ZNF286A: variants seen among roughly 807,000 people sequenced by gnomAD.
ZNF286A encodes the protein zinc finger protein ZNF286.
Under a neutral mutation model 49.3 loss-of-function variants are expected in ZNF286A, and 34 were observed. The ratio of observed to expected loss-of-function variants is 0.69; its 90% confidence interval spans 0.52 to 0.92. ZNF286A has a LOEUF of 0.92. Among genes scored for constraint, ZNF286A ranks in the 40% least tolerant of loss-of-function variants. The probability of loss-of-function intolerance (pLI) is 0.00; values close to 1 mark genes in which losing one functional copy is unlikely to be tolerated. For synonymous variants in ZNF286A, 155 were observed against 200.4 expected (o/e 0.77, Z 1.91); for missense variants, 462 against 600.2 (o/e 0.77, Z 2.41).
intron 5 of ZNF286A, among the ~76,000 whole-genome samples, chr17:15,708,716 C>A (rs1990429383): frequency 6.6e-6 from 1 of 152,152 alleles, no homozygotes; most frequent in South Asian, 2.1e-4. Flanking sequence ...ATTGTATATA[C>A]TCTTGTGTCT....
At position 15,716,765 on chromosome 17, in the gene ZNF286A, T is replaced by A; in HGVS notation, c.1041T>A (p.Ile347=). 3 of 1,613,974 alleles carry A rather than the reference T, an allele frequency of 1.9e-6. No homozygotes were observed. The highest frequency in any genetic ancestry group is 2.5e-6 in the Non-Finnish European group (3 of 1,179,868). ...CACATCTTGTGCAGCATCAGTTGAT[T>A]CATACTGGAGTGAAGCCTTATGAAT... ...RSTHLVQHQL[I]HTGVKPYECN... Residue 347 remains isoleucine (I), a synonymous_variant, in exon 6 of 6, where the codon ATT becomes ATA. Coordinates refer to ENST00000583566, the MANE Select transcript of ZNF286A (RefSeq NM_001130842.2).
chr17:15,720,316 G>A lies in ZNF286A; in HGVS notation c.*3026G>A, dbSNP rs976357975. 2 of 151,282 alleles carry A rather than the reference G, an allele frequency of 1.3e-5. No homozygotes were observed. Among genetic ancestry groups the A allele is most frequent in the Non-Finnish European group, 1.5e-5 (1 of 67,830 alleles). The allele number at this position is 151,282 out of a possible 1,614,324, so 9.4% of individuals were successfully genotyped here. A position where few individuals can be genotyped will look rare whatever the true frequency, so the allele number is the denominator to read the frequency against. ...TACATAGAGAAGTGCCAGAGCATCC[G>A]TCAGTAGAAGTTACTTAAGGTTGGC... is the stretch of plus-strand genomic sequence containing the variant. On this transcript the variant is annotated 3_prime_UTR_variant, in exon 6 of 6. Coordinates refer to ENST00000583566, the MANE Select transcript of ZNF286A (RefSeq NM_001130842.2).
intron 5 of ZNF286A, among the ~76,000 whole-genome samples, chr17:15,715,328 A>G (rs915566008): frequency 6.6e-6 from 1 of 151,442 alleles, no homozygotes; most frequent in Non-Finnish European, 1.5e-5. Flanking sequence ...TTCCTTTTAA[A>G]CTTAATATAT....
intron 5 of ZNF286A, 96 bp downstream of exon 5, chr17:15,708,343 T>C (rs958466875): frequency 1.2e-6 from 1 of 825,324 alleles, no homozygotes; most frequent in Non-Finnish European, 1.7e-6. Flanking sequence ...TGTGCCCTTA[T>C]TTTTAAATTT....
chr17:15,708,512 T>C lies in ZNF286A; in HGVS notation c.334+265T>C, dbSNP rs540886602. 2.1e-5 allele frequency: 6 copies of C among 286,422 alleles called. No homozygotes were observed. The East Asian group carries it at 3.7e-4, about 18-fold the overall frequency. 17.7% of individuals were successfully genotyped at this position (286,422 alleles called of 1,614,324 possible). On this transcript the variant is annotated intron_variant, in intron 5 of 5. Transcript: ENST00000583566. Reference sequence around the variant, plus strand: ...TCTTACAATATAAAACTAATAATTATACAGTTGGATGAATTTTCACTAATT... The same window carrying C: ...TCTTACAATATAAAACTAATAATTACACAGTTGGATGAATTTTCACTAATT...
chr17:15,705,570 G>A (rs1340808356), intron 3 of ZNF286A, among the ~76,000 whole-genome samples: 1 of 151,274 alleles, frequency 6.6e-6, no homozygotes, highest in African/African-American at 2.4e-5. Context: ...AAATTATTCC[G>A]TTCTATTTTT....
intron 4 of ZNF286A, among the ~76,000 whole-genome samples, chr17:15,707,495 CATT>C (rs949379524): frequency 6.7e-6 from 1 of 150,330 alleles, no homozygotes; most frequent in African/African-American, 2.5e-5. Flanking sequence ...AAAGGAAAAA[CATT>C]AGAAGATAAA....
chr17:15,706,398 A>G lies in ZNF286A; in HGVS notation c.138A>G (p.Thr46=). ...RLTARSQETV[T]FKDVAMDFTP... Reference sequence around the variant, plus strand: ...ATTTTATGTTTTAGGAAACAGTGACATTCAAGGATGTGGCCATGGACTTTA... The same window carrying G: ...ATTTTATGTTTTAGGAAACAGTGACGTTCAAGGATGTGGCCATGGACTTTA... Residue 46 remains threonine, a synonymous_variant, in exon 4 of 6, where the codon ACA becomes ACG. Coordinates refer to ENST00000583566, the MANE Select transcript of ZNF286A (RefSeq NM_001130842.2). The G allele has an allele frequency of 6.2e-7, 1 of 1,613,784 alleles. No homozygotes were observed. Among genetic ancestry groups the G allele is most frequent in the Non-Finnish European group, 8.5e-7 (1 of 1,179,764 alleles).
chr17:15,704,412 G>A (rs1345032746), intron 3 of ZNF286A: 4 of 1,607,046 alleles, frequency 2.5e-6, no homozygotes, highest in East Asian at 2.2e-5. Flanking sequence ...CTTCGGCCCT[G>A]CCGCTGGGCC....
intron 3 of ZNF286A, chr17:15,704,983 T>TGCCGC (rs1161038405): frequency 3.7e-6 from 4 of 1,069,602 alleles, no homozygotes; most frequent in Non-Finnish European, 5.2e-6. Context: ...GCCCAACTGC[T>TGCCGC]GCCGCTGCGG....
chr17:15,707,942 G>A (rs72819898), intron 4 of ZNF286A, among the ~76,000 whole-genome samples: 10 of 152,064 alleles, frequency 6.6e-5, no homozygotes, highest in East Asian at 1.9e-4. Context: ...CTTGAGCCCC[G>A]GAGTTCGAGA....
intron 5 of ZNF286A, among the ~76,000 whole-genome samples, chr17:15,712,138 C>T (rs1266397004): frequency 6.6e-6 from 1 of 152,222 alleles, no homozygotes; most frequent in Non-Finnish European, 1.5e-5. Context: ...TCCCAAAGTG[C>T]TGGGATTACA....
chr17:15,706,662 T>C (rs1990249272), intron 4 of ZNF286A, among the ~76,000 whole-genome samples, 161 bp downstream of exon 4: 1 of 152,224 alleles, frequency 6.6e-6, no homozygotes, highest in South Asian at 2.1e-4. Flanking sequence ...AGATTCTTGA[T>C]GAAATGTCTG....
chr17:15,705,021 C>T lies in ZNF286A; in HGVS notation c.127-1366C>T, dbSNP rs1414279478. 7 of 583,980 alleles carry T rather than the reference C, an allele frequency of 1.2e-5. No homozygotes were observed. In the East Asian group the frequency reaches 2.1e-4, roughly 17 times the overall value. 36.2% of individuals were successfully genotyped at this position (583,980 alleles called of 1,614,324 possible). On this transcript the variant is annotated intron_variant, in intron 3 of 5. Coordinates refer to ENST00000583566, the MANE Select transcript of ZNF286A (RefSeq NM_001130842.2). ...CTGGAGAGGCCCCGGCGGCCCCGCT[C>T]CGCTCCCCGCTGCCTCTGACGTCCG... is the stretch of plus-strand genomic sequence containing the variant.
At chr17:15,708,363 T>C in intron 5 of ZNF286A, 116 bp downstream of exon 5, 1 of 682,616 alleles carries the variant, frequency 1.5e-6, no homozygotes, top group South Asian at 5.1e-5. Flanking sequence ...TTTTTAAAAT[T>C]CTAAAGCATT....
intron 3 of ZNF286A, among the ~76,000 whole-genome samples, chr17:15,702,818 A>T (rs1989886434): frequency 6.6e-6 from 1 of 152,262 alleles, no homozygotes; most frequent in Non-Finnish European, 1.5e-5. Context: ...ATTGACTAAC[A>T]AACTGAAAAA....
intron 4 of ZNF286A, among the ~76,000 whole-genome samples, chr17:15,707,548 T>A (rs1431038486): frequency 6.6e-6 from 1 of 152,164 alleles, no homozygotes; most frequent in Non-Finnish European, 1.5e-5. Flanking sequence ...GTGCTGCCAT[T>A]GAGGTCCCGC....
chr17:15,717,254 C>G lies in ZNF286A; in HGVS notation c.1530C>G (p.Ile510Met), dbSNP rs1402440627. Residue 510 changes from isoleucine (I) to methionine (M), a missense_variant, in exon 6 of 6, where the codon ATC (isoleucine) becomes ATG (methionine). Ile to Met is a conservative substitution (Grantham distance 10). Around this residue, in one of 3 missense-constraint regions of ZNF286A, gnomAD observed 201 missense variants for 311.3 expected, o/e 0.65. Transcript: ENST00000583566. ...GCTTTAAGTGCAGTTCATCTCTCAT[C>G]AGACATCAAAGAGTTCACACTGAAG... Reference protein sequence around the residue: ...GKSFKCSSSLIRHQRVHTEEQ... With the variant: ...GKSFKCSSSLMRHQRVHTEEQ... 1.2e-6 allele frequency: 2 copies of G among 1,606,016 alleles called. No individual in the cohort carries two copies. The highest frequency in any genetic ancestry group is 2.7e-5 in the African/African-American group (2 of 74,124).
At position 15,704,428 on chromosome 17, in the gene ZNF286A, G is replaced by T. The variant is rs923517880; in HGVS notation, c.127-1959G>T. The T allele has an allele frequency of 1.7e-5, 28 of 1,607,630 alleles. No homozygotes were observed. The Middle Eastern group carries it at 7.9e-4, about 45-fold the overall frequency. ...TTCGGCCCTGCCGCTGGGCCCGCCG[G>T]CGCCCCCGTGGATCTCTGTGAGCAG... On this transcript the variant is annotated intron_variant, in intron 3 of 5. Transcript: ENST00000583566.
Sources: gnomAD v4.1 joint callset for allele counts (sites outside exome capture counted in the v4.1 genomes callset) on GRCh38, gnomAD v4.1.1 for gene constraint, gnomAD v4.1.1 regional missense constraint, MANE v1.5 for transcripts, NCBI Gene and HGNC (gene_info 2026-07-23, HGNC 2026-07-21) for gene names.